Variants in AGBL1 observed in about 807,000 individuals in gnomAD.
The protein encoded by AGBL1 is AGBL carboxypeptidase 1.
AGBL1 carries 130 observed loss-of-function variants against 118.9 expected under a neutral mutation model. The observed-to-expected ratio is 1.09, with a 90% CI of 0.95 to 1.26. The LOEUF (loss-of-function observed/expected upper bound fraction) is 1.26, where lower values mean the gene tolerates loss of function less well. AGBL1 is among the 50% of genes most tolerant of loss of function. The probability of loss-of-function intolerance (pLI) is 0.00; values close to 1 mark genes in which losing one functional copy is unlikely to be tolerated. For synonymous variants in AGBL1, 555 were observed against 478.9 expected (o/e 1.16, Z -2.08); for missense variants, 1,584 against 1,298.1 (o/e 1.22, Z -3.38).
At chr15:86,959,003 T>C (rs984905458) in intron 23 of AGBL1, among the ~76,000 whole-genome samples, 3 of 152,130 alleles carry the variant, frequency 2.0e-5, no homozygotes, top group African/African-American at 7.2e-5. Flanking sequence ...ATATACTGTT[T>C]ATAGTTGCCT....
intron 17 of AGBL1, among the ~76,000 whole-genome samples, chr15:86,384,347 C>G (rs2081153831): frequency 6.6e-6 from 1 of 152,116 alleles, no homozygotes; most frequent in African/African-American, 2.4e-5. Context: ...CAGGTCTGCA[C>G]CACAGTTGCA....
intron 18 of AGBL1, among the ~76,000 whole-genome samples, chr15:86,470,399 A>T (rs73457603): frequency 1.3e-4 from 20 of 152,046 alleles, no homozygotes; most frequent in South Asian, 4.2e-4. Flanking sequence ...TTAATTTCTA[A>T]GATCTCTATT....
In AGBL1 at chr15:86,345,892, C is replaced by T. The variant is rs988836898; in HGVS notation, c.2374+50484C>T. 2.6e-5 allele frequency among the ~76,000 whole-genome samples: 4 copies of T among 152,248 alleles called. No homozygotes were observed. In the East Asian group the frequency reaches 7.7e-4, roughly 29 times the overall value. On this transcript the variant is annotated intron_variant, in intron 17 of 22. Transcript: ENST00000614907. ...TTGAAGAGAGAGAGTTATTTACCAT[C>T]CTTACTCCTTGGCCTTCTTCTTGCT...
chr15:86,632,811 G>GTTTTTC (rs2084997771), intron 21 of AGBL1, among the ~76,000 whole-genome samples: 1 of 152,010 alleles, frequency 6.6e-6, no homozygotes, highest in Non-Finnish European at 1.5e-5. Flanking sequence ...TTTTGTTTTT[G>GTTTTTC]CAGTTAATTT....
chr15:87,005,273 C>A (rs931275596), intron 24 of AGBL1, among the ~76,000 whole-genome samples: 7 of 152,194 alleles, frequency 4.6e-5, no homozygotes, highest in African/African-American at 1.7e-4. Flanking sequence ...TGGATAATAT[C>A]CTGCAGAGTG....
intron 18 of AGBL1, among the ~76,000 whole-genome samples, chr15:86,430,518 G>GTGTT (rs2081923389): frequency 6.6e-6 from 1 of 151,268 alleles, no homozygotes; most frequent in Admixed American, 6.6e-5. Flanking sequence ...GTGTGTGTGT[G>GTGTT]TGTAACTTTT....
At chr15:86,094,184 G>T (rs1042174404) in intron 1 of AGBL1, among the ~76,000 whole-genome samples, 2 of 151,990 alleles carry the variant, frequency 1.3e-5, no homozygotes, top group African/African-American at 2.4e-5. Flanking sequence ...TAAAGTTTAA[G>T]CTCTCATTTA....
At chr15:86,406,154 G>A (rs1428247552) in intron 18 of AGBL1, among the ~76,000 whole-genome samples, 1 of 152,206 alleles carries the variant, frequency 6.6e-6, no homozygotes, top group African/African-American at 2.4e-5. Context: ...ATATTTGATT[G>A]CAGCTGCTCT....
At chr15:86,648,180 C>G (rs758465090) in intron 21 of AGBL1, among the ~76,000 whole-genome samples, 2 of 151,902 alleles carry the variant, frequency 1.3e-5, no homozygotes, top group Non-Finnish European at 2.9e-5. Flanking sequence ...CTAAACTTTG[C>G]GAAAACTGTT....
chr15:86,887,930 C>A (rs536277056), intron 22 of AGBL1, among the ~76,000 whole-genome samples: 2 of 152,112 alleles, frequency 1.3e-5, no homozygotes, highest in Non-Finnish European at 2.9e-5. Flanking sequence ...CCCCAGGAAG[C>A]TTTAATTTGC....
chr15:86,368,997 A>G (rs531197160), intron 17 of AGBL1, among the ~76,000 whole-genome samples: 1 of 152,338 alleles, frequency 6.6e-6, no homozygotes, highest in Non-Finnish European at 1.5e-5. Context: ...AAAGAAAGGG[A>G]TGAGCAACAA....
At chr15:86,735,517 C>T (rs2077579645) in intron 22 of AGBL1, among the ~76,000 whole-genome samples, 1 of 151,228 alleles carries the variant, frequency 6.6e-6, no homozygotes, top group Non-Finnish European at 1.5e-5. Flanking sequence ...ATCTATCTAT[C>T]TATAAATCAA....
chr15:86,409,767 C>T (rs1596079061), intron 18 of AGBL1, among the ~76,000 whole-genome samples: 1 of 152,032 alleles, frequency 6.6e-6, no homozygotes, highest in African/African-American at 2.4e-5. Context: ...GGCTGAGGCT[C>T]CTCAGGAAAT....
downstream of AGBL1, among the ~76,000 whole-genome samples, chr15:86,921,095 C>T (rs2080477658): frequency 6.6e-6 from 1 of 152,168 alleles, no homozygotes; most frequent in Admixed American, 6.5e-5. Context: ...TAGGCAAAGT[C>T]ATCAATAAAT....
At chr15:87,019,119 A>T (rs1208760669) in intron 24 of AGBL1, among the ~76,000 whole-genome samples, 1 of 152,194 alleles carries the variant, frequency 6.6e-6, no homozygotes, top group Non-Finnish European at 1.5e-5. Flanking sequence ...AAGTTCATAA[A>T]GCAAGTTTTT....
chr15:86,850,517 G>A (rs1451344200), intron 22 of AGBL1, among the ~76,000 whole-genome samples: 1 of 152,168 alleles, frequency 6.6e-6, no homozygotes, highest in Non-Finnish European at 1.5e-5. Context: ...CACATTGCCT[G>A]TCTTTGTTTT....
At chr15:86,080,938 C>CGG (rs542077190) in intron 1 of AGBL1, among the ~76,000 whole-genome samples, 8 of 132,850 alleles carry the variant, frequency 6.0e-5, no homozygotes, top group South Asian at 2.6e-4. Context: ...CTTGTGGGGG[C>CGG]GGGGGGGGGT....
chr15:86,110,558 AG>A (rs1383134981), intron 1 of AGBL1, among the ~76,000 whole-genome samples: 1 of 152,076 alleles, frequency 6.6e-6, no homozygotes, highest in Admixed American at 6.6e-5. Flanking sequence ...GGGGTGGCAG[AG>A]GGGGAAGAAA....
intron 17 of AGBL1, among the ~76,000 whole-genome samples, chr15:86,356,351 T>C (rs1489349116): frequency 2.0e-5 from 3 of 151,142 alleles, no homozygotes; most frequent in Non-Finnish European, 4.4e-5. Context: ...TGTGTGTGTG[T>C]GTGTGCGCGT....
Sources: gnomAD v4.1 joint callset for allele counts (sites outside exome capture counted in the v4.1 genomes callset) on GRCh38, gnomAD v4.1.1 for gene constraint, MANE v1.5 for transcripts, NCBI Gene and HGNC (gene_info 2026-07-23, HGNC 2026-07-21) for gene names.